Variants in ATP8B4 observed in about 807,000 individuals in gnomAD.
The protein encoded by ATP8B4 is probable phospholipid-transporting ATPase IM.
A neutral mutation model predicts 145.6 loss-of-function variants in ATP8B4; 133 were observed. The ratio of observed to expected loss-of-function variants is 0.91; its 90% CI spans 0.79 to 1.05. The LOEUF is 1.05. ATP8B4 is among the 50% of genes least tolerant of loss of function. The probability of loss-of-function intolerance (pLI) is 0.00; values close to 1 mark genes in which losing one functional copy is unlikely to be tolerated. For synonymous variants in ATP8B4, 507 were observed against 492.9 expected (o/e 1.03, Z -0.38); for missense variants, 1,458 against 1,425.2 (o/e 1.02, Z -0.37).
At chr15:50,165,970 A>AACACACACAC (rs149302745) in intron 1 of ATP8B4, among the ~76,000 whole-genome samples, 8,335 of 146,904 alleles carry the variant, frequency 0.057, 315 homozygotes, top group Non-Finnish European at 0.08. Flanking sequence ...AATCCCAGAG[A>AACACACACAC]ACACACACAC....
intron 20 of ATP8B4, among the ~76,000 whole-genome samples, chr15:49,907,593 G>A (rs1221489156): frequency 6.6e-6 from 1 of 152,190 alleles, no homozygotes; most frequent in Non-Finnish European, 1.5e-5. Context: ...CAAGAAAGAT[G>A]CGCATGGAAC....
chr15:49,932,059 A>AC (rs1378787543), intron 15 of ATP8B4, among the ~76,000 whole-genome samples: 1 of 151,556 alleles, frequency 6.6e-6, no homozygotes, highest in Non-Finnish European at 1.5e-5. Flanking sequence ...TATTATATTT[A>AC]TATGTAAAAA....
chr15:50,110,376 A>T (rs1195676575), intron 1 of ATP8B4, among the ~76,000 whole-genome samples: 7 of 152,228 alleles, frequency 4.6e-5, no homozygotes, highest in Admixed American at 4.6e-4. Context: ...AGCAACATTT[A>T]GTCCTGTCAT....
chr15:50,010,188 T>C (rs754103931), intron 7 of ATP8B4, among the ~76,000 whole-genome samples: 1 of 152,168 alleles, frequency 6.6e-6, no homozygotes, highest in Non-Finnish European at 1.5e-5. Context: ...TTGAATTTTT[T>C]AATCTCTGAT....
intron 7 of ATP8B4, chr15:50,009,497 T>C (rs1187498313): frequency 1.2e-5 from 4 of 333,114 alleles, no homozygotes; most frequent in Non-Finnish European, 2.3e-5. Flanking sequence ...ATTTGACACA[T>C]GGACAAACCA....
At chr15:50,139,805 C>T (rs1237236793) in intron 1 of ATP8B4, among the ~76,000 whole-genome samples, 2 of 152,134 alleles carry the variant, frequency 1.3e-5, no homozygotes, top group African/African-American at 2.4e-5. Flanking sequence ...ACCACTACAT[C>T]CTAAAGAAAC....
At chr15:49,901,720 A>T in intron 20 of ATP8B4, 1 of 374,962 alleles carries the variant, frequency 2.7e-6, no homozygotes, top group Non-Finnish European at 5.1e-6. Context: ...GATCCAGCTT[A>T]AAATAGTCCT....
chr15:50,166,251 C>G (rs893696015), intron 1 of ATP8B4, among the ~76,000 whole-genome samples: 1 of 152,126 alleles, frequency 6.6e-6, no homozygotes, highest in Non-Finnish European at 1.5e-5. Context: ...GCCAGCAGAT[C>G]TCCAGTACAA....
At chr15:50,014,163 A>G (rs958284476) in intron 6 of ATP8B4, among the ~76,000 whole-genome samples, 1 of 152,174 alleles carries the variant, frequency 6.6e-6, no homozygotes, top group Admixed American at 6.6e-5. Flanking sequence ...CTCACAAGCT[A>G]CAGAAGTGTT....
In ATP8B4 at chr15:49,908,061, C is replaced by T. The variant is rs1166375454; in HGVS notation, c.2142-6822G>A. 3.7e-5 allele frequency: 17 copies of T among 455,980 alleles called. 1 individual carries two copies. The highest frequency in any genetic ancestry group is 6.6e-5 in the Non-Finnish European group (15 of 226,814). 28.2% of individuals were successfully genotyped at this position (455,980 alleles called of 1,614,324 possible). A position where few individuals can be genotyped will look rare whatever the true frequency, so the allele number is the denominator to read the frequency against. ...GTTACTTACCCTCTATATACTTCGACTTCCTCATATGTCCAACAGGGAAAA... is the reference window on the plus strand; with the variant it reads ...GTTACTTACCCTCTATATACTTCGATTTCCTCATATGTCCAACAGGGAAAA... On this transcript the variant is annotated intron_variant, in intron 20 of 27. Transcript: ENST00000284509.
At chr15:50,109,078 T>C (rs1291675266) in intron 1 of ATP8B4, among the ~76,000 whole-genome samples, 3 of 152,124 alleles carry the variant, frequency 2.0e-5, no homozygotes, top group Non-Finnish European at 2.9e-5. Context: ...TTTTGGCTGC[T>C]CCCTCCTGTT....
upstream of ATP8B4, among the ~76,000 whole-genome samples, chr15:50,120,982 C>T (rs1273535226): frequency 6.6e-6 from 1 of 152,070 alleles, no homozygotes. Flanking sequence ...AAAGTAGAGA[C>T]TCAATAAATT....
At chr15:49,970,238 T>C (rs1331597784) in intron 13 of ATP8B4, among the ~76,000 whole-genome samples, 1 of 152,324 alleles carries the variant, frequency 6.6e-6, no homozygotes, top group East Asian at 1.9e-4. Context: ...CTCTCGCCAC[T>C]TCTGTTCAAC....
At chr15:49,882,768 T>C (rs531942494) in intron 23 of ATP8B4, among the ~76,000 whole-genome samples, 83 of 152,294 alleles carry the variant, frequency 5.4e-4, no homozygotes, top group Non-Finnish European at 9.3e-4. Context: ...TGGTCACCTC[T>C]AGAGGATTGG....
rs1036340073 is a variant in ATP8B4 at position 50,018,931 on chromosome 15, C to T, written c.363-8014G>A. 4 of 1,262,848 alleles carry T rather than the reference C, an allele frequency of 3.2e-6. No individual in the cohort carries two copies. The African/African-American group carries it at 6.2e-5, about 20-fold the overall frequency. The allele number at this position is 1,262,848 out of a possible 1,614,324, so 78.2% of individuals were successfully genotyped here. A position where few individuals can be genotyped will look rare whatever the true frequency, so the allele number is the denominator to read the frequency against. On this transcript the variant is annotated intron_variant, in intron 6 of 27. Transcript: ENST00000284509. ...GATAAATCTTCTTCCTTACAATTACCAGAGTACTTCCTGTCATTAAACCCT... is the reference window on the plus strand; with the variant it reads ...GATAAATCTTCTTCCTTACAATTACTAGAGTACTTCCTGTCATTAAACCCT...
chr15:50,129,131 G>C (rs1438271322), intron 1 of ATP8B4, among the ~76,000 whole-genome samples: 1 of 152,172 alleles, frequency 6.6e-6, no homozygotes, highest in East Asian at 1.9e-4. Context: ...AGGTAATAGT[G>C]TGAGTAAATT....
At chr15:49,959,292 G>A in intron 14 of ATP8B4, among the ~76,000 whole-genome samples, 1 of 151,874 alleles carries the variant, frequency 6.6e-6, no homozygotes, top group East Asian at 1.9e-4. Flanking sequence ...ATTTTTATGT[G>A]TGAAAATAAA....
chr15:49,978,179 G>A (rs1294342285), intron 12 of ATP8B4, among the ~76,000 whole-genome samples: 2 of 152,200 alleles, frequency 1.3e-5, no homozygotes, highest in Non-Finnish European at 2.9e-5. Context: ...CACATGTGCA[G>A]ATGGAAAGCC....
chr15:49,996,655 T>A (rs1240623947), intron 9 of ATP8B4, 22 bp downstream of exon 9: 1 of 1,546,210 alleles, frequency 6.5e-7, no homozygotes, highest in Non-Finnish European at 8.9e-7. Context: ...TTTTTGTTTG[T>A]TTATCTGTTT....
Sources: allele counts gnomAD v4.1 joint callset (sites outside exome capture counted in the v4.1 genomes callset), GRCh38; gene constraint gnomAD v4.1.1; transcripts MANE v1.5; gene names NCBI Gene and HGNC (gene_info 2026-07-23, HGNC 2026-07-21).